IMPG1: variants seen among roughly 807,000 people sequenced by gnomAD.
The protein encoded by IMPG1 is interphotoreceptor matrix proteoglycan 1.
IMPG1 carries 85 observed loss-of-function variants against 92.0 expected under a neutral mutation model. The observed-to-expected ratio is 0.92, with a 90% CI of 0.78 to 1.11. The LOEUF is 1.11. Ranked by LOEUF, IMPG1 falls within the 50% of genes least tolerant of loss-of-function variation. The probability of loss-of-function intolerance (pLI) is 0.00; values close to 1 mark genes in which losing one functional copy is unlikely to be tolerated. For missense variants in IMPG1, 1,022 were observed against 956.0 expected (o/e 1.07, Z -0.91); for synonymous variants, 367 against 334.1 (o/e 1.10, Z -1.08).
chr6:75,949,377 C>T (rs985506525), intron 13 of IMPG1, among the ~76,000 whole-genome samples: 9 of 152,168 alleles, frequency 5.9e-5, no homozygotes, highest in African/African-American at 1.7e-4. Flanking sequence ...ACATTCCCAT[C>T]GGCACCATGA....
chr6:76,000,624 C>A (rs17802413), intron 12 of IMPG1, among the ~76,000 whole-genome samples: 9,064 of 152,036 alleles, frequency 0.06, 391 homozygotes, highest in South Asian at 0.11. Flanking sequence ...TTGTGGAAGC[C>A]CAGATGTAGG....
At chr6:75,924,500 A>ATATAT (rs1554226447) in intron 15 of IMPG1, among the ~76,000 whole-genome samples, 3 of 86,732 alleles carry the variant, frequency 3.5e-5, no homozygotes, top group Non-Finnish European at 6.4e-5. Flanking sequence ...TAATATAATT[A>ATATAT]TATAATATAA....
At chr6:76,010,375 G>A (rs756961743) in intron 8 of IMPG1, among the ~76,000 whole-genome samples, 8 of 152,152 alleles carry the variant, frequency 5.3e-5, no homozygotes, top group Non-Finnish European at 1.2e-4. Context: ...CATATTATGA[G>A]TTCATCTGTA....
chr6:76,044,340 G>C (rs1374755685), intron 1 of IMPG1, among the ~76,000 whole-genome samples: 3 of 152,174 alleles, frequency 2.0e-5, no homozygotes, highest in East Asian at 1.9e-4. Context: ...GGAAGAAAAA[G>C]CTGCCTCATT....
At chr6:75,982,187 A>G (rs1398314159) in intron 12 of IMPG1, among the ~76,000 whole-genome samples, 1 of 152,212 alleles carries the variant, frequency 6.6e-6, no homozygotes, top group African/African-American at 2.4e-5. Flanking sequence ...AAGAATTTAT[A>G]GCATTCTGCA....
At chr6:76,023,842 C>T (rs1220637900) in intron 5 of IMPG1, among the ~76,000 whole-genome samples, 1 of 152,138 alleles carries the variant, frequency 6.6e-6, no homozygotes, top group African/African-American at 2.4e-5. Context: ...AAGTTTCTAT[C>T]AGCTAAAGTA....
At chr6:76,026,182 A>G (rs1783529957) in intron 4 of IMPG1, among the ~76,000 whole-genome samples, 1 of 151,938 alleles carries the variant, frequency 6.6e-6, no homozygotes, top group Non-Finnish European at 1.5e-5. Context: ...CTTCCTTTTC[A>G]CCCAATAAAA....
chr6:75,978,223 C>T (rs1782570918), intron 12 of IMPG1, among the ~76,000 whole-genome samples: 1 of 152,082 alleles, frequency 6.6e-6, no homozygotes, highest in African/African-American at 2.4e-5. Context: ...CTTTCTTTGG[C>T]TTTTTGTCTT....
chr6:76,071,931 G>A (rs1219868804), intron 1 of IMPG1, among the ~76,000 whole-genome samples: 3 of 152,028 alleles, frequency 2.0e-5, no homozygotes, highest in Non-Finnish European at 2.9e-5. Context: ...TGAAGTGGTT[G>A]TCATCATGAA....
intron 2 of IMPG1, among the ~76,000 whole-genome samples, chr6:76,040,348 T>C (rs1783814183): frequency 6.6e-6 from 1 of 152,236 alleles, no homozygotes; most frequent in Non-Finnish European, 1.5e-5. Flanking sequence ...GAATTAGAAG[T>C]TATGTGAAAA....
chr6:76,052,974 C>T (rs767216125), intron 1 of IMPG1, among the ~76,000 whole-genome samples: 5 of 152,126 alleles, frequency 3.3e-5, no homozygotes, highest in Admixed American at 6.6e-5. Context: ...GTCCTTTCTC[C>T]TGCAGCTGGA....
intron 14 of IMPG1, among the ~76,000 whole-genome samples, chr6:75,935,299 C>T (rs1781726537): frequency 6.6e-6 from 1 of 152,210 alleles, no homozygotes; most frequent in Non-Finnish European, 1.5e-5. Flanking sequence ...AGCGGCAGAT[C>T]GGGCCTGCCT....
intron 1 of IMPG1, among the ~76,000 whole-genome samples, chr6:76,043,011 T>C: frequency 6.6e-6 from 1 of 152,000 alleles, no homozygotes; most frequent in Non-Finnish European, 1.5e-5. Context: ...AGGCTCAGAG[T>C]GGCAGTGTGT....
chr6:76,072,628 G>A lies in IMPG1; in HGVS notation c.-140C>T, dbSNP rs947029916. On this transcript the variant is annotated 5_prime_UTR_variant, in exon 1 of 17. Transcript: ENST00000369950. The stretch of plus-strand genomic sequence containing the variant: ...TAACCTTCTTGGTTTACCTTTATGA[G>A]GGTGTTAATTTATGAAGAACATGTA... 7 of 550,632 alleles carry A rather than the reference G, an allele frequency of 1.3e-5. No individual in the cohort carries two copies. The highest frequency in any genetic ancestry group is 1.9e-5 in the Non-Finnish European group (6 of 314,370). The allele number at this position is 550,632 out of a possible 1,614,324, so 34.1% of individuals were successfully genotyped here. A position where few individuals can be genotyped will look rare whatever the true frequency, so the allele number is the denominator to read the frequency against.
intron 5 of IMPG1, among the ~76,000 whole-genome samples, chr6:76,024,392 A>G (rs1783486190): frequency 1.2e-5 from 1 of 85,192 alleles, no homozygotes; most frequent in South Asian, 4.3e-4. Flanking sequence ...ATTTAAAAGT[A>G]TTCTTTTATG....
intron 4 of IMPG1, 127 bp from the exon 5 acceptor site, chr6:76,025,385 G>T (rs1056660777): frequency 1.1e-5 from 5 of 473,704 alleles, no homozygotes; most frequent in African/African-American, 1.0e-4. Context: ...TTTAAAACTA[G>T]ATTGACCTAT....
At chr6:76,051,972 C>T (rs1784050202) in intron 1 of IMPG1, among the ~76,000 whole-genome samples, 1 of 151,034 alleles carries the variant, frequency 6.6e-6, no homozygotes, top group South Asian at 2.1e-4. Context: ...TACCTCATTG[C>T]ACACACACAA....
chr6:75,977,613 C>A (rs1320080681), intron 12 of IMPG1, among the ~76,000 whole-genome samples: 2 of 151,482 alleles, frequency 1.3e-5, no homozygotes, highest in Non-Finnish European at 1.5e-5. Context: ...AAAAAAAAAC[C>A]CCCAAAAAAC....
intron 6 of IMPG1, 82 bp downstream of exon 6, chr6:76,022,034 G>C: frequency 2.7e-6 from 2 of 727,516 alleles, no homozygotes; most frequent in Admixed American, 3.8e-5. Flanking sequence ...TTAAAGGATG[G>C]TTTATCCATT....
Sources: allele counts gnomAD v4.1 joint callset (sites outside exome capture counted in the v4.1 genomes callset), GRCh38; gene constraint gnomAD v4.1.1; transcripts MANE v1.5; gene names NCBI Gene and HGNC (gene_info 2026-07-23, HGNC 2026-07-21).